Variants in ZNF345 observed in about 807,000 individuals in gnomAD.
ZNF345 encodes the protein zinc finger protein HZF10.
For missense variants in ZNF345, 527 were observed against 589.9 expected (o/e 0.89, Z 1.10); for synonymous variants, 166 against 187.9 (o/e 0.88, Z 0.95).
At chr19:36,869,092 G>A in intron 2 of ZNF345, among the ~76,000 whole-genome samples, 1 of 152,094 alleles carries the variant, frequency 6.6e-6, no homozygotes. Context: ...CAGAGTTAGT[G>A]TCAGACTCCA....
Position 36,877,336 on chromosome 19 carries a change from G to C in ZNF345, c.506G>C (p.Ser169Thr). ...SGLIRHQIIH[S>T]GEKPYECKEC... is the part of the protein sequence containing the mutation. Reference sequence around the variant, plus strand: ...CTTATTCGACATCAGATCATTCACAGTGGTGAGAAGCCTTATGAGTGTAAG... The same window carrying C: ...CTTATTCGACATCAGATCATTCACACTGGTGAGAAGCCTTATGAGTGTAAG... Residue 169 changes from serine (S) to threonine (T), a missense_variant, in exon 3 of 3, where the codon AGT becomes ACT. Transcript: ENST00000420450. 1 of 1,613,530 alleles carries C rather than the reference G, an allele frequency of 6.2e-7. No individual in the cohort carries two copies. Among genetic ancestry groups the C allele is most frequent in the Non-Finnish European group, 8.5e-7 (1 of 1,179,878 alleles).
At chr19:36,883,185 A>G (rs1379131355), downstream of ZNF345, among the ~76,000 whole-genome samples, 1 of 152,228 alleles carries the variant, frequency 6.6e-6, no homozygotes, top group African/African-American at 2.4e-5. Flanking sequence ...AGAACACCAT[A>G]TATCTATAGG....
chr19:36,880,661 C>T (rs500370), downstream of ZNF345, among the ~76,000 whole-genome samples: 10,219 of 152,066 alleles, frequency 0.067, 936 homozygotes, highest in African/African-American at 0.21. Context: ...GCATGGTGGC[C>T]TCCAGCTACC....
At chr19:36,852,384 G>A (rs1475446491) in intron 2 of ZNF345, among the ~76,000 whole-genome samples, 6 of 151,846 alleles carry the variant, frequency 4.0e-5, no homozygotes, top group African/African-American at 7.3e-5. Context: ...GGGCCAAGGC[G>A]GGCGGATCAC....
At chr19:36,879,981 AC>A (rs1273461529), downstream of ZNF345, among the ~76,000 whole-genome samples, 2 of 152,214 alleles carry the variant, frequency 1.3e-5, no homozygotes, top group African/African-American at 4.8e-5. Flanking sequence ...ATGGAGAAAG[AC>A]ATTCATTTAA....
chr19:36,856,890 TA>T (rs1427750417), intron 2 of ZNF345, among the ~76,000 whole-genome samples: 3 of 152,016 alleles, frequency 2.0e-5, no homozygotes, highest in Non-Finnish European at 4.4e-5. Context: ...TTATTTTCAT[TA>T]CAAAAAGAAT....
At chr19:36,891,340 C>T in intron 3 of ZNF345, 1 of 724,490 alleles carries the variant, frequency 1.4e-6, no homozygotes, top group Non-Finnish European at 2.1e-6. Context: ...TTTTAAGCCA[C>T]CAAGGTTTTG....
chr19:36,870,838 A>G (rs984524496), intron 2 of ZNF345, among the ~76,000 whole-genome samples: 2 of 152,134 alleles, frequency 1.3e-5, no homozygotes, highest in South Asian at 2.1e-4. Context: ...TACCAAGTGG[A>G]CCCATTAAAT....
intron 2 of ZNF345, among the ~76,000 whole-genome samples, chr19:36,852,776 G>A (rs941012134): frequency 6.6e-6 from 1 of 151,980 alleles, no homozygotes; most frequent in Non-Finnish European, 1.5e-5. Flanking sequence ...TTGCCAATCT[G>A]GTGGGTGTCT....
At chr19:36,886,644 G>A (rs890893794) in intron 3 of ZNF345, among the ~76,000 whole-genome samples, 8 of 152,002 alleles carry the variant, frequency 5.3e-5, no homozygotes, top group East Asian at 3.9e-4. Context: ...TCAGGAGTTC[G>A]AGACCAGCCT....
intron 2 of ZNF345, among the ~76,000 whole-genome samples, chr19:36,873,103 T>C (rs1378312173): frequency 6.6e-6 from 1 of 152,166 alleles, no homozygotes; most frequent in Non-Finnish European, 1.5e-5. Context: ...TTATTTACTT[T>C]TGAATGATTT....
At chr19:36,875,300 A>T (rs1027668797) in intron 2 of ZNF345, among the ~76,000 whole-genome samples, 4 of 152,234 alleles carry the variant, frequency 2.6e-5, no homozygotes, top group Non-Finnish European at 5.9e-5. Context: ...CATGTAGGAA[A>T]TATTTTAAAG....
intron 2 of ZNF345, 55 bp downstream of exon 2, chr19:36,851,959 T>C (rs1326736474): frequency 1.3e-5 from 2 of 152,148 alleles, no homozygotes; most frequent in African/African-American, 4.8e-5. Context: ...TGTCAGGACA[T>C]AGTTGCTTTC....
intron 3 of ZNF345, chr19:36,889,807 G>C (rs1361218975): frequency 6.6e-6 from 1 of 152,028 alleles, no homozygotes; most frequent in Non-Finnish European, 1.5e-5. Flanking sequence ...TCTTCTGCCA[G>C]CTTTGGGTTG....
In ZNF345 at chr19:36,851,871, AAT is replaced by A. The variant is rs1194636562; in HGVS notation, c.-79_-78del. The A allele has an allele frequency of 1.3e-5, 2 of 152,164 alleles. No homozygotes were observed. The highest frequency in any genetic ancestry group is 2.9e-5 in the Non-Finnish European group (2 of 68,046). The allele number at this position is 152,164 out of a possible 1,614,324, so 9.4% of individuals were successfully genotyped here. ...TAGAGGCCTCCGAACAGGAGTAAAGAATGGCTGTTGAACATCCACAAGGCACC... is the reference window on the plus strand; with the variant it reads ...TAGAGGCCTCCGAACAGGAGTAAAGAGGCTGTTGAACATCCACAAGGCACC... On this transcript the variant is annotated 5_prime_UTR_variant, in exon 2 of 3. An upstream start codon of the reference 5' UTR is lost. Transcript: ENST00000420450.
intron 2 of ZNF345, among the ~76,000 whole-genome samples, chr19:36,875,333 A>T (rs2072861774): frequency 6.6e-6 from 1 of 152,218 alleles, no homozygotes; most frequent in Admixed American, 6.6e-5. Flanking sequence ...GCAGAGACCT[A>T]AACCACTGCC....
chr19:36,860,248 C>T (rs892417211), intron 2 of ZNF345, among the ~76,000 whole-genome samples: 2 of 152,126 alleles, frequency 1.3e-5, no homozygotes, highest in Admixed American at 6.6e-5. Flanking sequence ...TGAGCCACCG[C>T]GTCCAGCTAA....
chr19:36,884,763 A>C (rs990671394), intron 3 of ZNF345, among the ~76,000 whole-genome samples: 3 of 152,204 alleles, frequency 2.0e-5, no homozygotes, highest in Non-Finnish European at 4.4e-5. Flanking sequence ...CCAAACCAAG[A>C]CACTGTTATT....
chr19:36,871,093 G>C (rs1012521993), intron 2 of ZNF345, among the ~76,000 whole-genome samples: 8 of 152,216 alleles, frequency 5.3e-5, no homozygotes, highest in African/African-American at 1.9e-4. Flanking sequence ...ACATGATCAA[G>C]ATGTTGGCAG....
Sources: allele counts gnomAD v4.1 joint callset (sites outside exome capture counted in the v4.1 genomes callset), GRCh38; gene constraint gnomAD v4.1.1; transcripts MANE v1.5; gene names NCBI Gene and HGNC (gene_info 2026-07-23, HGNC 2026-07-21).